Variants in FAF1 observed in about 807,000 individuals in gnomAD.
FAF1 encodes Fas associated factor 1.
FAF1 carries 25 observed loss-of-function variants against 92.5 expected under a neutral mutation model. The observed-to-expected ratio is 0.27, with a 90% CI of 0.20 to 0.38. The LOEUF (loss-of-function observed/expected upper bound fraction) is 0.38. Ranked by LOEUF, FAF1 falls within the 10% of genes least tolerant of loss-of-function variation. FAF1 has a pLI of 1.00. For synonymous variants in FAF1, 234 were observed against 273.2 expected, an observed-to-expected ratio of 0.86 and a Z score of 1.42; for missense variants, 636 against 793.3, an observed-to-expected ratio of 0.80 and a Z score of 2.38.
Position 50,486,233 on chromosome 1 carries a change from T to G in FAF1, c.1653+4355A>C, listed in dbSNP as rs1444105622. Among the ~76,000 whole-genome samples, 6 of 152,330 alleles carry G rather than the reference T, an allele frequency of 3.9e-5. No individual in the cohort carries two copies. The East Asian group carries it at 1.2e-3, about 29-fold the overall frequency. On this transcript the variant is annotated intron_variant, in intron 17 of 18. Transcript: ENST00000396153. ...TTTGGGTAGACAGGCAAAAATTAACTTTTCTTTCTAGAGAACCATCAGCAA... is the reference window on the plus strand; with the variant it reads ...TTTGGGTAGACAGGCAAAAATTAACGTTTCTTTCTAGAGAACCATCAGCAA...
intron 6 of FAF1, among the ~76,000 whole-genome samples, chr1:50,732,060 A>G (rs920034095): frequency 2.6e-5 from 4 of 151,678 alleles, no homozygotes; most frequent in African/African-American, 4.8e-5. Flanking sequence ...TGCTAAATAC[A>G]TTATTATTAT....
At chr1:50,748,102 T>C (rs948705310) in intron 4 of FAF1, among the ~76,000 whole-genome samples, 13 of 152,200 alleles carry the variant, frequency 8.5e-5, no homozygotes, top group African/African-American at 3.1e-4. Flanking sequence ...TTGTATCAGA[T>C]AGAGAAAGCT....
At chr1:50,529,266 T>C (rs1027731280) in intron 15 of FAF1, among the ~76,000 whole-genome samples, 6 of 152,198 alleles carry the variant, frequency 3.9e-5, no homozygotes, top group South Asian at 2.1e-4. Flanking sequence ...AAGAATATAA[T>C]TGACTTAAGC....
At chr1:50,630,453 A>T (rs1165511913) in intron 8 of FAF1, among the ~76,000 whole-genome samples, 1 of 152,234 alleles carries the variant, frequency 6.6e-6, no homozygotes, top group Non-Finnish European at 1.5e-5. Context: ...TTGCCATGTT[A>T]GTAAAAAGAG....
intron 4 of FAF1, among the ~76,000 whole-genome samples, chr1:50,750,536 C>T (rs144939896): frequency 2.0e-5 from 3 of 152,214 alleles, no homozygotes; most frequent in East Asian, 1.9e-4. Context: ...CCTACTCACA[C>T]TGATCCTCCT....
chr1:50,524,242 T>C (rs1370059478), intron 15 of FAF1, among the ~76,000 whole-genome samples: 9 of 152,130 alleles, frequency 5.9e-5, no homozygotes, highest in African/African-American at 1.9e-4. Flanking sequence ...CTTAATGGGG[T>C]TGTTATTTGT....
chr1:50,678,039 A>G (rs958720357), intron 7 of FAF1, among the ~76,000 whole-genome samples: 2 of 152,226 alleles, frequency 1.3e-5, no homozygotes, highest in Admixed American at 6.5e-5. Flanking sequence ...ACAGTACCCT[A>G]GTCAGTCAAT....
chr1:50,485,667 CA>C (rs999538430), intron 17 of FAF1, among the ~76,000 whole-genome samples: 717 of 13,700 alleles, frequency 0.052, no homozygotes, highest in African/African-American at 0.09. Context: ...GAGACTGTCT[CA>C]AAAAAAAAAA....
At chr1:50,785,880 C>A (rs573489006) in intron 4 of FAF1, among the ~76,000 whole-genome samples, 8 of 152,124 alleles carry the variant, frequency 5.3e-5, no homozygotes, top group Non-Finnish European at 1.0e-4. Context: ...ATAATCCCAA[C>A]ACTTTGGGAG....
intron 1 of FAF1, among the ~76,000 whole-genome samples, chr1:50,872,981 AATGT>A (rs2124681820): frequency 6.6e-6 from 1 of 152,272 alleles, no homozygotes; most frequent in Admixed American, 6.5e-5. Context: ...CAATGCAGCA[AATGT>A]AATTGTTGTC....
At chr1:50,808,824 G>GT (rs1021775358) in intron 2 of FAF1, among the ~76,000 whole-genome samples, 1 of 152,014 alleles carries the variant, frequency 6.6e-6, no homozygotes, top group African/African-American at 2.4e-5. Context: ...CCATTAAATT[G>GT]TATGTTTTTG....
chr1:50,748,005 C>A (rs72902708), intron 4 of FAF1, among the ~76,000 whole-genome samples: 3 of 152,066 alleles, frequency 2.0e-5, no homozygotes, highest in Non-Finnish European at 4.4e-5. Context: ...TGCAGAACTG[C>A]GAACCAATTA....
rs1302763708 is a variant in FAF1 at position 50,440,502 on chromosome 1, C to T, written c.*938G>A. 6.6e-6 allele frequency: 1 copy of T among 152,222 alleles called. No individual in the cohort carries two copies. The highest frequency in any genetic ancestry group is 1.5e-5 in the Non-Finnish European group (1 of 68,042). 9.4% of individuals were successfully genotyped at this position (152,222 alleles called of 1,614,324 possible). On this transcript the variant is annotated 3_prime_UTR_variant, in exon 19 of 19. Coordinates refer to ENST00000396153, the MANE Select transcript of FAF1 (RefSeq NM_007051.3). Reference sequence around the variant, plus strand: ...CCTTATTACAGGAGAGTCCATGGGGCTGCTCATCAGATTTTGTTGATAGGC... The same window carrying T: ...CCTTATTACAGGAGAGTCCATGGGGTTGCTCATCAGATTTTGTTGATAGGC...
intron 2 of FAF1, among the ~76,000 whole-genome samples, chr1:50,836,013 G>A (rs1400974887): frequency 6.6e-6 from 1 of 151,902 alleles, no homozygotes; most frequent in African/African-American, 2.4e-5. Context: ...TATGATCTTG[G>A]GAATATTTCT....
chr1:50,743,518 G>T lies in FAF1; in HGVS notation c.459+1166C>A, dbSNP rs1236218395. Reference sequence around the variant, plus strand: ...AATTTTTGCATTTTTAGTAGAGATGGGGTTTTACCATGTTGGCCAGGCTGG... The same window carrying T: ...AATTTTTGCATTTTTAGTAGAGATGTGGTTTTACCATGTTGGCCAGGCTGG... On this transcript the variant is annotated intron_variant, in intron 5 of 18. Transcript: ENST00000396153. 2.0e-5 allele frequency among the ~76,000 whole-genome samples: 3 copies of T among 151,650 alleles called. No individual in the cohort carries two copies. The East Asian group carries it at 6.0e-4, about 30-fold the overall frequency.
rs530422071 is a variant in FAF1 at position 50,959,560 on chromosome 1, G to A, written c.45+207C>T. 9 of 371,790 alleles carry A rather than the reference G, an allele frequency of 2.4e-5. No individual in the cohort carries two copies. In the South Asian group the frequency reaches 5.4e-4, roughly 22 times the overall value. 23.0% of individuals were successfully genotyped at this position (371,790 alleles called of 1,614,324 possible). On this transcript the variant is annotated intron_variant, in intron 1 of 18. Transcript: ENST00000396153. ...TAATACCTCCAATCCCATTCAACCC[G>A]TACTTAACACATTCTACACACTCAT... is the stretch of plus-strand genomic sequence containing the variant.
intron 4 of FAF1, among the ~76,000 whole-genome samples, chr1:50,775,056 T>C (rs183266050): frequency 3.1e-4 from 47 of 152,254 alleles, no homozygotes; most frequent in African/African-American, 1.1e-3. Context: ...CATAATCTGA[T>C]TGAGCATCTC....
chr1:50,507,817 T>C (rs1326601101), intron 15 of FAF1, among the ~76,000 whole-genome samples: 4 of 152,238 alleles, frequency 2.6e-5, no homozygotes, highest in African/African-American at 9.6e-5. Flanking sequence ...CTAATCAGGA[T>C]AGAATTAAAA....
rs1207843987 is a variant in FAF1 at position 50,655,488 on chromosome 1, C to T, written c.698G>A (p.Arg233His). 1 of 1,613,478 alleles carries T rather than the reference C, an allele frequency of 6.2e-7. No individual in the cohort carries two copies. The highest frequency in any genetic ancestry group is 8.5e-7 in the Non-Finnish European group (1 of 1,179,482). Residue 233 changes from arginine to histidine, a missense_variant, in exon 8 of 19, where the codon CGC becomes CAC. Around this residue, in one of 2 missense-constraint regions of FAF1, gnomAD observed 317 missense variants for 342.4 expected, o/e 0.93. Coordinates refer to ENST00000396153, the MANE Select transcript of FAF1 (RefSeq NM_007051.3). ...TGGCCAGCCCTCCCATAATTGGTGG[C>T]GAACGGGGATACTTGTAAGGTCATA... is the stretch of plus-strand genomic sequence containing the variant. ...NVYDLTSIPV[R>H]HQLWEGWPTS...
Sources: gnomAD v4.1 joint callset for allele counts (sites outside exome capture counted in the v4.1 genomes callset) on GRCh38, gnomAD v4.1.1 for gene constraint, gnomAD v4.1.1 regional missense constraint, MANE v1.5 for transcripts, NCBI Gene and HGNC (gene_info 2026-07-23, HGNC 2026-07-21) for gene names.